Variants in SHB observed in about 807,000 individuals in gnomAD.
SHB encodes SH2 domain containing adaptor protein B.
In SHB, 20 loss-of-function variants were observed where a neutral mutation model predicts 52.3. That is an observed-to-expected ratio of 0.38 (90% CI 0.27 to 0.56). The LOEUF is 0.56. Among genes scored for constraint, SHB ranks in the 20% least tolerant of loss-of-function variants. SHB has a pLI of 0.71. For missense variants in SHB, 825 were observed against 723.3 expected, an observed-to-expected ratio of 1.14 and a Z score of -1.61; for synonymous variants, 397 against 316.5, an observed-to-expected ratio of 1.25 and a Z score of -2.70.
chr9:38,028,884 G>T (rs527842527), intron 1 of SHB, among the ~76,000 whole-genome samples: 203 of 152,264 alleles, frequency 1.3e-3, no homozygotes, highest in Non-Finnish European at 2.4e-3. Flanking sequence ...TGCCTCCCTG[G>T]TCACCTGCCA....
At chr9:37,954,919 C>T (rs1199091796) in intron 4 of SHB, among the ~76,000 whole-genome samples, 1 of 151,914 alleles carries the variant, frequency 6.6e-6, no homozygotes. Flanking sequence ...AGGGCCCGGC[C>T]CTGCACAGTG....
chr9:38,020,129 G>A (rs761132754), intron 1 of SHB, among the ~76,000 whole-genome samples: 1 of 152,240 alleles, frequency 6.6e-6, no homozygotes, highest in Non-Finnish European at 1.5e-5. Flanking sequence ...GTGCTTAGGG[G>A]AAGTCAAAAG....
At chr9:37,975,408 C>A (rs577285828) in intron 2 of SHB, among the ~76,000 whole-genome samples, 20 of 152,348 alleles carry the variant, frequency 1.3e-4, no homozygotes, top group African/African-American at 4.6e-4. Context: ...CTACCTCCCC[C>A]AGACCATCTT....
At chr9:37,924,364 G>T (rs1832220595) in intron 5 of SHB, among the ~76,000 whole-genome samples, 1 of 152,170 alleles carries the variant, frequency 6.6e-6, no homozygotes, top group African/African-American at 2.4e-5. Flanking sequence ...CTCACCTCTC[G>T]CTTTTAGACC....
intron 2 of SHB, among the ~76,000 whole-genome samples, chr9:37,990,955 T>C (rs1256280154): frequency 6.6e-6 from 1 of 152,254 alleles, no homozygotes; most frequent in African/African-American, 2.4e-5. Flanking sequence ...GGAAAAGGGC[T>C]ATAAGAATAC....
At chr9:37,932,842 C>T (rs182708593) in intron 5 of SHB, among the ~76,000 whole-genome samples, 219 of 152,286 alleles carry the variant, frequency 1.4e-3, no homozygotes, top group African/African-American at 5.2e-3. Context: ...CTTGAACTCC[C>T]AGGCTCAAGC....
chr9:37,925,376 G>A (rs1832236133), intron 5 of SHB, among the ~76,000 whole-genome samples: 1 of 152,250 alleles, frequency 6.6e-6, no homozygotes, highest in Non-Finnish European at 1.5e-5. Flanking sequence ...GGGAAGGACT[G>A]GGGAGCTTCC....
intron 1 of SHB, among the ~76,000 whole-genome samples, chr9:38,030,389 G>A (rs1821398854): frequency 6.6e-6 from 1 of 152,208 alleles, no homozygotes; most frequent in South Asian, 2.1e-4. Flanking sequence ...CCTCACTGCT[G>A]CGATTCCTCC....
At chr9:38,052,064 T>C (rs184293623) in intron 1 of SHB, among the ~76,000 whole-genome samples, 8 of 152,298 alleles carry the variant, frequency 5.3e-5, no homozygotes, top group Admixed American at 2.6e-4. Context: ...CCAGCAACTT[T>C]ACATGGCTTC....
chr9:38,011,619 T>G lies in SHB; in HGVS notation c.838+4392A>C, dbSNP rs574407550. Among the ~76,000 whole-genome samples, 59 of 152,160 alleles carry G rather than the reference T, an allele frequency of 3.9e-4. 1 individual carries two copies. The highest frequency in any genetic ancestry group is 7.5e-4 in the Non-Finnish European group (51 of 68,010). Reference sequence around the variant, plus strand: ...GTTAATGCAGACCTCAGAAGTCGCTTGAGCCAGCCACCCATCTGAGACTCA... The same window carrying G: ...GTTAATGCAGACCTCAGAAGTCGCTGGAGCCAGCCACCCATCTGAGACTCA... On this transcript the variant is annotated intron_variant, in intron 2 of 5. Transcript: ENST00000377707.
intron 5 of SHB, among the ~76,000 whole-genome samples, chr9:37,942,968 C>T (rs1564084199): frequency 6.6e-6 from 1 of 152,260 alleles, no homozygotes; most frequent in East Asian, 1.9e-4. Flanking sequence ...CTCATGGGCC[C>T]CCTAGTTCAC....
At chr9:37,989,867 G>A (rs1185084032) in intron 2 of SHB, among the ~76,000 whole-genome samples, 1 of 152,184 alleles carries the variant, frequency 6.6e-6, no homozygotes, top group Non-Finnish European at 1.5e-5. Flanking sequence ...GAACCTGAAA[G>A]TTGCCACTAT....
chr9:37,975,563 T>C (rs995621447), intron 2 of SHB, among the ~76,000 whole-genome samples: 4 of 152,084 alleles, frequency 2.6e-5, no homozygotes, highest in Non-Finnish European at 5.9e-5. Flanking sequence ...CTAGACGAGG[T>C]CCCAGACAGG....
At chr9:37,987,251 AG>A (rs1820821061) in intron 2 of SHB, among the ~76,000 whole-genome samples, 3 of 152,252 alleles carry the variant, frequency 2.0e-5, no homozygotes, top group African/African-American at 4.8e-5. Flanking sequence ...TCACCATTCT[AG>A]GAACACTGCG....
At chr9:38,042,650 C>A (rs528147200) in intron 1 of SHB, among the ~76,000 whole-genome samples, 2 of 152,320 alleles carry the variant, frequency 1.3e-5, no homozygotes, top group South Asian at 4.1e-4. Flanking sequence ...CTGTTGGCTT[C>A]CCTCGGAAAT....
intron 1 of SHB, among the ~76,000 whole-genome samples, chr9:38,056,577 C>T (rs192822543): frequency 4.7e-4 from 72 of 152,304 alleles, no homozygotes; most frequent in African/African-American, 1.4e-3. Context: ...TGTGATCCAC[C>T]CGCCTCAGTC....
At chr9:37,993,851 C>A (rs1406907684) in intron 2 of SHB, among the ~76,000 whole-genome samples, 1 of 152,150 alleles carries the variant, frequency 6.6e-6, no homozygotes, top group African/African-American at 2.4e-5. Context: ...GCTGACGATA[C>A]AGAACTGAGA....
At chr9:38,055,410 G>A (rs150702964) in intron 1 of SHB, among the ~76,000 whole-genome samples, 319 of 152,246 alleles carry the variant, frequency 2.1e-3, no homozygotes, top group Non-Finnish European at 3.6e-3. Flanking sequence ...TTGAAGACAC[G>A]GGACACCTGG....
At chr9:38,058,630 G>T (rs1821850771) in intron 1 of SHB, among the ~76,000 whole-genome samples, 1 of 152,106 alleles carries the variant, frequency 6.6e-6, no homozygotes, top group Non-Finnish European at 1.5e-5. Context: ...TCTCATGCAG[G>T]GTTAGCGAGG....
Sources: gnomAD v4.1 joint callset for allele counts (sites outside exome capture counted in the v4.1 genomes callset) on GRCh38, gnomAD v4.1.1 for gene constraint, MANE v1.5 for transcripts, NCBI Gene and HGNC (gene_info 2026-07-23, HGNC 2026-07-21) for gene names.